Variants in THRAP3 observed in about 807,000 individuals in gnomAD.
THRAP3 encodes thyroid hormone receptor associated protein 3, also known as thyroid hormone receptor-associated protein 3.
In THRAP3, 16 loss-of-function variants were observed where a neutral mutation model predicts 101.0. The ratio of observed to expected loss-of-function variants is 0.16; its 90% CI spans 0.11 to 0.24. The LOEUF (loss-of-function observed/expected upper bound fraction) is 0.24. Among genes scored for constraint, THRAP3 ranks in the 10% least tolerant of loss-of-function variants. The pLI is 1.00. For synonymous variants in THRAP3, 407 were observed against 422.6 expected (o/e 0.96, Z 0.45); for missense variants, 989 against 1,202.7 (o/e 0.82, Z 2.63).
At chr1:36,265,029 G>A (rs1314220070) in intron 2 of THRAP3, among the ~76,000 whole-genome samples, 2 of 151,954 alleles carry the variant, frequency 1.3e-5, no homozygotes, top group African/African-American at 2.4e-5. Context: ...TATAAGCATC[G>A]TATACCTCAC....
the THRAP3 span, among the ~76,000 whole-genome samples, chr1:36,207,776 G>A: frequency 2.6e-5 from 4 of 152,084 alleles, no homozygotes; most frequent in African/African-American, 7.2e-5. Flanking sequence ...TAGACTTCAA[G>A]AAAGACTGAA....
chr1:36,287,247 A>G lies in THRAP3; in HGVS notation c.1017A>G (p.Ser339=), dbSNP rs770353571. The change falls in exon 4 of 12, where the codon TCA becomes TCG. Residue 339 remains serine (S), a synonymous_variant. Coordinates refer to ENST00000354618, the MANE Select transcript of THRAP3 (RefSeq NM_005119.4). ...GSSQKEESAA[S]GGAAYTKRYL... ...CTCAGAAGGAGGAGAGTGCTGCTTCAGGAGGAGCAGCCTATACAAAGAGGC... is the reference window on the plus strand; with the variant it reads ...CTCAGAAGGAGGAGAGTGCTGCTTCGGGAGGAGCAGCCTATACAAAGAGGC... 27 of 1,611,412 alleles carry G rather than the reference A, an allele frequency of 1.7e-5. No individual in the cohort carries two copies. The South Asian group carries it at 2.4e-4, about 14-fold the overall frequency.
chr1:36,289,407 A>G lies in THRAP3; in HGVS notation c.1388A>G (p.Gln463Arg). ...AAAGTCATAGGTGCAAACAAAAACC[A>G]GGAGGAGGAGAAGTCAGGCAAATGG... ...MSKVIGANKN[Q>R]EEEKSGKWEG... The change falls in exon 5 of 12, where the codon CAG becomes CGG. Residue 463 changes from glutamine (Q) to arginine (R), a missense_variant. Gln to Arg is a conservative substitution (Grantham distance 43). Coordinates refer to ENST00000354618, the MANE Select transcript of THRAP3 (RefSeq NM_005119.4). 1 of 1,614,226 alleles carries G rather than the reference A, an allele frequency of 6.2e-7. No homozygotes were observed. Among genetic ancestry groups the G allele is most frequent in the South Asian group, 1.1e-5 (1 of 91,090 alleles).
At chr1:36,235,531 CAT>C (rs1017765215) in intron 1 of THRAP3, among the ~76,000 whole-genome samples, 5 of 152,096 alleles carry the variant, frequency 3.3e-5, no homozygotes, top group African/African-American at 1.2e-4. Context: ...TGACAAGTCT[CAT>C]ATGAAAACCA....
chr1:36,278,959 AATAC>A (rs1350559864), intron 2 of THRAP3, among the ~76,000 whole-genome samples: 1 of 151,912 alleles, frequency 6.6e-6, no homozygotes, highest in Non-Finnish European at 1.5e-5. Context: ...AAATAAAATA[AATAC>A]ATAAATAAAA....
intron 1 of THRAP3, among the ~76,000 whole-genome samples, chr1:36,258,782 G>A (rs1645408244): frequency 6.6e-6 from 1 of 152,188 alleles, no homozygotes; most frequent in Admixed American, 6.6e-5. Flanking sequence ...CCTGTAATAA[G>A]AATAACAACA....
rs575028397 is a variant in THRAP3, at chr1:36,295,954, CTTTTTTTTTTTTTTTTTTTTTTTT to C, written c.2116-615_2116-592del. On this transcript the variant is annotated intron_variant, in intron 8 of 11. Coordinates refer to ENST00000354618, the MANE Select transcript of THRAP3 (RefSeq NM_005119.4). ...CCAGAGCTAATTTTAGCCTTCTCAA[CTTTTTTTTTTTTTTTTTTTTTTTT>C]TTTTTTTTTTTTTGAGAGATAGTCT... Among the ~76,000 whole-genome samples the C allele has an allele frequency of 4.2e-3, 255 of 60,500 alleles. 4 individuals are homozygous for C. Among genetic ancestry groups the C allele is most frequent in the African/African-American group, 0.017 (237 of 13,766 alleles). 39.7% of individuals were successfully genotyped at this position (60,500 alleles called of 152,430 possible). A position where few individuals can be genotyped will look rare whatever the true frequency, so the allele number is the denominator to read the frequency against.
At chr1:36,279,641 C>T (rs1486973652) in intron 2 of THRAP3, among the ~76,000 whole-genome samples, 1 of 152,140 alleles carries the variant, frequency 6.6e-6, no homozygotes, top group Non-Finnish European at 1.5e-5. Context: ...TCTTGGCATC[C>T]TCATCTAGCA....
intron 2 of THRAP3, 72 bp from the exon 3 acceptor site, chr1:36,282,461 C>T: frequency 5.7e-5 from 59 of 1,027,308 alleles, no homozygotes; most frequent in South Asian, 1.9e-4. Context: ...AAATGTGTTT[C>T]TAAAATGTCC....
Position 36,286,478 on chromosome 1 carries a change from C to T in THRAP3, c.248C>T (p.Pro83Leu). 2 of 1,614,106 alleles carry T rather than the reference C, an allele frequency of 1.2e-6. No homozygotes were observed. The highest frequency in any genetic ancestry group is 8.5e-7 in the Non-Finnish European group (1 of 1,180,034). ...GGTCACAACAGAGGCTATAGAAGGCCCTATTATTTCCGTGGGCGTAACAGA... is the reference window on the plus strand; with the variant it reads ...GGTCACAACAGAGGCTATAGAAGGCTCTATTATTTCCGTGGGCGTAACAGA... The part of the protein sequence containing the change: ...FRGHNRGYRR[P>L]YYFRGRNRGF... Residue 83 changes from proline to leucine, a missense_variant, in exon 4 of 12, where the codon CCC becomes CTC. By Grantham distance (98) the Pro-to-Leu change is moderately conservative (BLOSUM62 -3). Transcript: ENST00000354618. This position sits in a 1 kb window ranked among gnomAD's most constrained non-coding sequence, Gnocchi z 5.5.
chr1:36,284,729 C>T (rs1017128592), intron 3 of THRAP3, among the ~76,000 whole-genome samples: 6 of 152,162 alleles, frequency 3.9e-5, no homozygotes, highest in African/African-American at 1.4e-4. Flanking sequence ...GCCCAGGGCC[C>T]TCACTAGTAA....
the THRAP3 span, among the ~76,000 whole-genome samples, chr1:36,213,981 GAAAGAAAGAAAGAAAGGAAAGAAAGAAA>G: frequency 4.4e-5 from 4 of 91,006 alleles, no homozygotes; most frequent in African/African-American, 2.4e-4. Context: ...AAGAAAGAAA[GAAAGAAAGAAAGAAAGGAAAGAAAGAAA>G]GAAAGAAAGA....
intron 1 of THRAP3, among the ~76,000 whole-genome samples, chr1:36,257,184 G>C (rs1296541994): frequency 1.3e-5 from 2 of 152,106 alleles, no homozygotes; most frequent in African/African-American, 4.8e-5. Flanking sequence ...TGTTTCCTCA[G>C]ATAAGGCCCA....
At chr1:36,272,435 G>A (rs1645603710) in intron 2 of THRAP3, among the ~76,000 whole-genome samples, 1 of 152,148 alleles carries the variant, frequency 6.6e-6, no homozygotes, top group African/African-American at 2.4e-5. Flanking sequence ...TGAGGCCTTG[G>A]CAGAGTGTTA....
chr1:36,301,539 A>G lies in THRAP3; in HGVS notation c.2503-14A>G, dbSNP rs1330757734. The G allele has an allele frequency of 1.9e-6, 3 of 1,608,298 alleles. No individual in the cohort carries two copies. The highest frequency in any genetic ancestry group is 2.5e-6 in the Non-Finnish European group (3 of 1,178,158). ...CATGATCCTTTGTTCTTTTTCCCTCATTTATTGCAATAGCAGTTTCGAGCC... is the reference window on the plus strand; with the variant it reads ...CATGATCCTTTGTTCTTTTTCCCTCGTTTATTGCAATAGCAGTTTCGAGCC... On this transcript the variant is annotated splice_polypyrimidine_tract_variant and intron_variant, in intron 10 of 11. Coordinates refer to ENST00000354618, the MANE Select transcript of THRAP3 (RefSeq NM_005119.4).
chr1:36,291,208 A>G (rs952342677), intron 5 of THRAP3, among the ~76,000 whole-genome samples, 166 bp from the exon 6 acceptor site: 2 of 152,228 alleles, frequency 1.3e-5, no homozygotes, highest in East Asian at 1.9e-4. Context: ...GAGATTTTGT[A>G]TATACTTTTC....
intron 4 of THRAP3, chr1:36,288,334 G>A: frequency 1.0e-6 from 1 of 958,496 alleles, no homozygotes; most frequent in Non-Finnish European, 1.2e-6. Context: ...AGTTCCCAAA[G>A]TTCATTATGT....
rs116559418 is a variant in THRAP3, at chr1:36,225,453, C to G, written c.-135+948C>G. On this transcript the variant is annotated intron_variant, in intron 1 of 11. Coordinates refer to ENST00000354618, the MANE Select transcript of THRAP3 (RefSeq NM_005119.4). The stretch of plus-strand genomic sequence containing the variant: ...TCCAGCTGCCTCAGTTTTCTTATCA[C>G]TAAAACAGCAGTAAGTAACAGTGAC... 2.7e-3 allele frequency: 413 copies of G among 152,292 alleles called. 4 individuals are homozygous for G. The highest frequency in any genetic ancestry group is 9.4e-3 in the African/African-American group (392 of 41,566). 9.4% of individuals were successfully genotyped at this position (152,292 alleles called of 1,614,324 possible). A position where few individuals can be genotyped will look rare whatever the true frequency, so the allele number is the denominator to read the frequency against.
intron 1 of THRAP3, among the ~76,000 whole-genome samples, chr1:36,248,648 C>T (rs1645260670): frequency 1.3e-5 from 2 of 151,804 alleles, no homozygotes; most frequent in Admixed American, 6.6e-5. Context: ...GAACTCCTGG[C>T]TTCCAGCATT....
Sources: allele counts gnomAD v4.1 joint callset (sites outside exome capture counted in the v4.1 genomes callset), GRCh38; gene constraint gnomAD v4.1.1; non-coding constraint Gnocchi (gnomAD v3.1); transcripts MANE v1.5; gene names NCBI Gene and HGNC (gene_info 2026-07-23, HGNC 2026-07-21).